Variants in WNK2 observed in about 807,000 individuals in gnomAD.
The protein encoded by WNK2 is WNK lysine deficient protein kinase 2.
A neutral mutation model predicts 192.1 loss-of-function variants in WNK2; 67 were observed. That is an observed-to-expected ratio of 0.35 (90% CI 0.29 to 0.43). The LOEUF is 0.43. Ranked by LOEUF, WNK2 falls within the 20% of genes least tolerant of loss-of-function variation. WNK2 has a pLI of 1.00. For missense variants in WNK2, 2,698 were observed against 3,089.7 expected (o/e 0.87, Z 3.01); for synonymous variants, 1,439 against 1,393.9 (o/e 1.03, Z -0.72).
chr9:93,285,551 A>G (rs553647322), intron 19 of WNK2, among the ~76,000 whole-genome samples: 2 of 152,338 alleles, frequency 1.3e-5, no homozygotes, highest in East Asian at 3.9e-4. Context: ...CAAAAACTAC[A>G]AAACATTGAG....
At chr9:93,226,820 G>T (rs977109653) in intron 2 of WNK2, among the ~76,000 whole-genome samples, 3 of 152,062 alleles carry the variant, frequency 2.0e-5, no homozygotes, top group African/African-American at 7.2e-5. Flanking sequence ...TTTTGCTGCT[G>T]AGCCATGGTC....
intron 26 of WNK2, among the ~76,000 whole-genome samples, chr9:93,302,207 G>T (rs1851727165): frequency 6.6e-6 from 1 of 152,240 alleles, no homozygotes. Flanking sequence ...GACTGCAGGG[G>T]TGGGCGCAGC....
chr9:93,225,416 A>G (rs1837640756), intron 2 of WNK2, among the ~76,000 whole-genome samples: 1 of 152,178 alleles, frequency 6.6e-6, no homozygotes, highest in Admixed American at 6.5e-5. Flanking sequence ...AAAATTACCA[A>G]GCAATGTGTT....
chr9:93,262,088 C>T lies in WNK2; in HGVS notation c.3341C>T (p.Thr1114Met), dbSNP rs372487751. 109 of 1,601,282 alleles carry T rather than the reference C, an allele frequency of 6.8e-5. No homozygotes were observed. The highest frequency in any genetic ancestry group is 1.8e-4 in the Middle Eastern group (1 of 5,608). Reference sequence around the variant, plus strand: ...AGCCCTTGCCCAACTGTCCAGCTGACGGTGGAACCAGTCCAAGAGGTGTGT... The same window carrying T: ...AGCCCTTGCCCAACTGTCCAGCTGATGGTGGAACCAGTCCAAGAGGTGTGT... ...IASPCPTVQLTVEPVQEEQAS... is the reference protein window; with the variant it reads ...IASPCPTVQLMVEPVQEEQAS... The change falls in exon 13 of 30, where the codon ACG (threonine) becomes ATG (methionine). Residue 1114 changes from threonine to methionine, a missense_variant. Transcript: ENST00000427277.
chr9:93,226,050 C>T (rs929478018), intron 2 of WNK2, among the ~76,000 whole-genome samples: 5 of 152,200 alleles, frequency 3.3e-5, no homozygotes, highest in Admixed American at 6.5e-5. Flanking sequence ...GAGTCTGGAC[C>T]GCCTGGCTTG....
At chr9:93,194,502 A>G (rs951012753) in intron 2 of WNK2, among the ~76,000 whole-genome samples, 4 of 152,216 alleles carry the variant, frequency 2.6e-5, no homozygotes, top group African/African-American at 9.6e-5. Context: ...AATTAAAACA[A>G]TGAGCTCCCA....
intron 4 of WNK2, among the ~76,000 whole-genome samples, chr9:93,233,466 C>T (rs372145260): frequency 2.8e-4 from 43 of 152,136 alleles, no homozygotes; most frequent in East Asian, 1.5e-3. Context: ...GAGGCTGAGG[C>T]GGGCGGATCA....
At chr9:93,255,435 C>T (rs1413448742) in intron 9 of WNK2, among the ~76,000 whole-genome samples, 2 of 152,228 alleles carry the variant, frequency 1.3e-5, no homozygotes, top group Admixed American at 1.3e-4. Context: ...CCATCCTCCA[C>T]TCCCTGGCTT....
At position 93,263,961 on chromosome 9, in the gene WNK2, G is replaced by A. The variant is rs55981123; in HGVS notation, c.3624G>A (p.Thr1208=). The change falls in exon 16 of 30, where the codon ACG becomes ACA. Residue 1208 remains threonine, a synonymous_variant. Coordinates refer to ENST00000427277, the MANE Select transcript of WNK2 (RefSeq NM_006648.4). ...AGATGGTGGAGTGCCAGCTGGAGAC[G>A]CACAACCACAAGATGGTGACCTTCA... is the stretch of plus-strand genomic sequence containing the variant. The part of the protein sequence containing the change: ...GDKMVECQLE[T]HNHKMVTFKF... 0.12 allele frequency: 187,731 copies of A among 1,613,038 alleles called. 11,768 individuals carry two copies. The highest frequency in any genetic ancestry group is 0.17 in the African/African-American group (12,411 of 74,858).
intron 2 of WNK2, among the ~76,000 whole-genome samples, chr9:93,201,378 G>A (rs998686486): frequency 5.3e-5 from 8 of 152,264 alleles, no homozygotes; most frequent in Non-Finnish European, 1.2e-4. Flanking sequence ...TTCACAGCTT[G>A]AGGCCCCTGC....
At chr9:93,198,772 A>C (rs1831768777) in intron 2 of WNK2, among the ~76,000 whole-genome samples, 1 of 152,244 alleles carries the variant, frequency 6.6e-6, no homozygotes, top group African/African-American at 2.4e-5. Flanking sequence ...TGAATAGCCC[A>C]GACTGCCTCT....
intron 19 of WNK2, among the ~76,000 whole-genome samples, chr9:93,276,987 A>G (rs1443277046): frequency 6.6e-6 from 1 of 151,938 alleles, no homozygotes; most frequent in African/African-American, 2.4e-5. Context: ...GTGAGCTGAG[A>G]TCGCGCCACT....
Position 93,308,552 on chromosome 9 carries a change from G to A in WNK2, c.6484G>A (p.Ala2162Thr). The change falls in exon 28 of 30, where the codon GCA becomes ACA. Residue 2162 changes from alanine to threonine, a missense_variant. This residue lies in a region of WNK2 where 167 missense variants were observed against 184.2 expected (regional missense o/e 0.91). Coordinates refer to ENST00000427277, the MANE Select transcript of WNK2 (RefSeq NM_006648.4). The part of the protein sequence containing the change: ...TQKLQDMEAQ[A>T]GWAAPGEARA... ...GAAGCTGCAAGACATGGAGGCCCAGGCAGGCTGGGCTGCCCCTGGCGAGGC... is the reference window on the plus strand; with the variant it reads ...GAAGCTGCAAGACATGGAGGCCCAGACAGGCTGGGCTGCCCCTGGCGAGGC... 2 of 1,600,616 alleles carry A rather than the reference G, an allele frequency of 1.2e-6. No homozygotes were observed. Among genetic ancestry groups the A allele is most frequent in the African/African-American group, 1.3e-5 (1 of 74,852 alleles).
At chr9:93,261,612 G>A (rs528785556) in intron 12 of WNK2, among the ~76,000 whole-genome samples, 21 of 152,344 alleles carry the variant, frequency 1.4e-4, no homozygotes, top group African/African-American at 4.8e-4. Context: ...ACAGAAAGGG[G>A]TGTGAGAATG....
intron 26 of WNK2, among the ~76,000 whole-genome samples, chr9:93,304,206 C>T (rs926110664): frequency 3.9e-5 from 6 of 152,204 alleles, no homozygotes; most frequent in South Asian, 4.1e-4. Context: ...GGCAGGTGCT[C>T]GGGCTACCCA....
chr9:93,184,981 GGGCGC>G lies in WNK2; in HGVS notation c.60_64del (p.Gly22ArgfsTer133). 8.1e-7 allele frequency: 1 copy of G among 1,240,414 alleles called. No homozygotes were observed. The highest frequency in any genetic ancestry group is 1.0e-6 in the Non-Finnish European group (1 of 996,114). 76.8% of individuals were successfully genotyped at this position (1,240,414 alleles called of 1,614,324 possible). A position where few individuals can be genotyped will look rare whatever the true frequency, so the allele number is the denominator to read the frequency against. The stretch of plus-strand genomic sequence containing the variant: ...CGTCCCCGGCACGCTGATGGAGCCC[GGGCGC>G]GGCGCGGGGCCCGCGGGCATGGCGG... On this transcript the variant is annotated frameshift_variant, in exon 2 of 30. Transcript: ENST00000427277. LOFTEE classifies it high-confidence loss of function.
intron 12 of WNK2, 95 bp from the exon 13 acceptor site, chr9:93,261,719 A>G (rs1844287278): frequency 1.4e-6 from 2 of 1,437,454 alleles, no homozygotes; most frequent in Non-Finnish European, 1.9e-6. Context: ...GGGTGTTCCC[A>G]TCTCGGCCTG....
Position 93,288,768 on chromosome 9 carries a change from AT to A in WNK2, c.4034-16del. On this transcript the variant is annotated intron_variant, in intron 19 of 29. Coordinates refer to ENST00000427277, the MANE Select transcript of WNK2 (RefSeq NM_006648.4). ...GACTGGAGTACCCTGGTACAAAGGC[AT>A]TTTCCCCATTTCTTCTAGATTCAGC... 1 of 1,594,630 alleles carries A rather than the reference AT, an allele frequency of 6.3e-7. No individual in the cohort carries two copies.
chr9:93,185,901 C>T (rs1293829119), intron 2 of WNK2, among the ~76,000 whole-genome samples: 1 of 152,202 alleles, frequency 6.6e-6, no homozygotes, highest in Admixed American at 6.5e-5. Context: ...TAGAGAGGGT[C>T]CTGGAGAGTG....
Sources: gnomAD v4.1 joint callset for allele counts (sites outside exome capture counted in the v4.1 genomes callset) on GRCh38, gnomAD v4.1.1 for gene constraint, gnomAD v4.1.1 regional missense constraint, MANE v1.5 for transcripts, NCBI Gene and HGNC (gene_info 2026-07-23, HGNC 2026-07-21) for gene names.